Variants in WFDC9 observed in about 807,000 individuals in gnomAD.
The protein encoded by WFDC9 is protein WFDC9.
In WFDC9, 9 loss-of-function variants were observed where a neutral mutation model predicts 9.5. The observed-to-expected ratio is 0.95, with a 90% CI of 0.57 to 1.65. WFDC9 has a LOEUF of 1.65. WFDC9 is among the 40% of genes most tolerant of loss of function. WFDC9 has a pLI of 0.00. For missense variants in WFDC9, 87 were observed against 106.7 expected, an observed-to-expected ratio of 0.82 and a Z score of 0.81; for synonymous variants, 33 against 32.3, an observed-to-expected ratio of 1.02 and a Z score of -0.07.
intron 1 of WFDC9, among the ~76,000 whole-genome samples, chr20:45,626,819 A>G (rs1319047714): frequency 2.0e-5 from 3 of 152,306 alleles, no homozygotes; most frequent in African/African-American, 7.2e-5. Context: ...ACTACGTTGA[A>G]TAAGAGTGGG....
At chr20:45,624,313 G>T (rs527645313) in intron 1 of WFDC9, among the ~76,000 whole-genome samples, 1 of 152,318 alleles carries the variant, frequency 6.6e-6, no homozygotes, top group African/African-American at 2.4e-5. Flanking sequence ...GTGAGACTAT[G>T]TGTTGTTTAA....
intron 2 of WFDC9, among the ~76,000 whole-genome samples, chr20:45,614,120 TTTTC>T (rs750008151): frequency 5.3e-5 from 8 of 152,252 alleles, no homozygotes; most frequent in Non-Finnish European, 8.8e-5. Context: ...CTTACTCTAG[TTTTC>T]TTTCTTTCTT....
At position 45,624,467 on chromosome 20, in the gene WFDC9, T is replaced by C. The variant is rs771269119; in HGVS notation, c.-153+6736A>G. ...CATAGTTTCTTTCTCCATTCCTCGG[T>C]TGTTAGACACCTAGGTTGAGTCTGT... On this transcript the variant is annotated intron_variant, in intron 1 of 4. Transcript: ENST00000326000. Among the ~76,000 whole-genome samples the C allele has an allele frequency of 1.4e-4, 21 of 151,236 alleles. No homozygotes were observed. In the South Asian group the frequency reaches 3.6e-3, roughly 26 times the overall value.
intron 1 of WFDC9, among the ~76,000 whole-genome samples, chr20:45,628,448 A>T (rs189014367): frequency 6.6e-6 from 1 of 152,330 alleles, no homozygotes; most frequent in East Asian, 1.9e-4. Flanking sequence ...TGGCTGCAAG[A>T]TGCTTGGGTA....
intron 4 of WFDC9, 145 bp downstream of exon 4, chr20:45,608,518 G>A (rs1357932243): frequency 2.0e-6 from 2 of 992,340 alleles, no homozygotes; most frequent in East Asian, 2.5e-5. Flanking sequence ...GTGAGGAGCA[G>A]CCTAGGTTTG....
intron 1 of WFDC9, among the ~76,000 whole-genome samples, chr20:45,617,372 T>G (rs909277117): frequency 3.9e-5 from 6 of 152,136 alleles, no homozygotes; most frequent in African/African-American, 1.4e-4. Flanking sequence ...GGAGAATCAC[T>G]TGGACCCAGG....
Position 45,607,965 on chromosome 20 carries a change from C to G in WFDC9, c.*145G>C, listed in dbSNP as rs1981765979. On this transcript the variant is annotated 3_prime_UTR_variant, in exon 5 of 5. Transcript: ENST00000326000. The stretch of plus-strand genomic sequence containing the variant: ...CAGGTTGATGTAGCAGTTTATTTGA[C>G]AAAAGCTTCAGGGTAAAGAGGTCAA... 1.1e-6 allele frequency: 1 copy of G among 919,444 alleles called. No individual in the cohort carries two copies. The highest frequency in any genetic ancestry group is 1.5e-5 in the South Asian group (1 of 68,634). The allele number at this position is 919,444 out of a possible 1,614,324, so 57.0% of individuals were successfully genotyped here.
At chr20:45,613,287 T>G (rs1981901014) in intron 2 of WFDC9, among the ~76,000 whole-genome samples, 1 of 152,188 alleles carries the variant, frequency 6.6e-6, no homozygotes, top group Non-Finnish European at 1.5e-5. Context: ...CGCGGAGCCT[T>G]TCCATCATCA....
Position 45,608,755 on chromosome 20 carries a change from G to A in WFDC9, c.147C>T (p.Tyr49=), listed in dbSNP as rs1453370913. ...EQCWVQPPYK[Y]CEKRCTKIMT... ...TTATTTTAGTACACCTTTTCTCACA[G>A]TACTTATATGGAGGCTGTACCCAGC... The change falls in exon 4 of 5, where the codon TAC becomes TAT. Residue 49 remains tyrosine, a synonymous_variant. Coordinates refer to ENST00000326000, the MANE Select transcript of WFDC9 (RefSeq NM_147198.4). 6.2e-7 allele frequency: 1 copy of A among 1,614,110 alleles called. No homozygotes were observed. The highest frequency in any genetic ancestry group is 8.5e-7 in the Non-Finnish European group (1 of 1,180,000).
chr20:45,621,775 A>T (rs1982106780), intron 1 of WFDC9, among the ~76,000 whole-genome samples: 1 of 152,202 alleles, frequency 6.6e-6, no homozygotes. Flanking sequence ...GTGTGGCTCC[A>T]CTGGTCATTG....
intron 2 of WFDC9, among the ~76,000 whole-genome samples, chr20:45,611,631 A>C (rs1474566746): frequency 6.6e-6 from 1 of 152,212 alleles, no homozygotes; most frequent in Admixed American, 6.5e-5. Context: ...GAATAGTTTC[A>C]ATTTCTTCTC....
At chr20:45,614,985 C>T (rs886071089) in intron 1 of WFDC9, among the ~76,000 whole-genome samples, 1 of 152,162 alleles carries the variant, frequency 6.6e-6, no homozygotes, top group Non-Finnish European at 1.5e-5. Flanking sequence ...CAAAGTCTCT[C>T]AAATACATCT....
intron 3 of WFDC9, among the ~76,000 whole-genome samples, chr20:45,609,426 C>A (rs1456990994): frequency 6.6e-6 from 1 of 152,052 alleles, no homozygotes; most frequent in African/African-American, 2.4e-5. Flanking sequence ...CAGTCTCGAA[C>A]CCCTGACCTC....
intron 1 of WFDC9, among the ~76,000 whole-genome samples, chr20:45,621,074 TCAGA>T (rs1364746790): frequency 6.6e-6 from 1 of 152,188 alleles, no homozygotes; most frequent in Non-Finnish European, 1.5e-5. Flanking sequence ...ATTTCTCTCT[TCAGA>T]CATCTATTGG....
At chr20:45,625,958 A>G (rs1216083736) in intron 1 of WFDC9, among the ~76,000 whole-genome samples, 1 of 151,682 alleles carries the variant, frequency 6.6e-6, no homozygotes, top group Admixed American at 6.6e-5. Flanking sequence ...AGTAGCTGGG[A>G]CTACAGGTAT....
intron 1 of WFDC9, among the ~76,000 whole-genome samples, chr20:45,618,039 A>G (rs1040596604): frequency 3.3e-5 from 5 of 152,220 alleles, no homozygotes; most frequent in African/African-American, 4.8e-5. Flanking sequence ...TAAAGGGCCA[A>G]CAGTATCTTA....
At position 45,620,271 on chromosome 20, in the gene WFDC9, C is replaced by T. The variant is rs528823274; in HGVS notation, c.-152-5550G>A. Among the ~76,000 whole-genome samples, 7 of 152,244 alleles carry T rather than the reference C, an allele frequency of 4.6e-5. No homozygotes were observed. In the South Asian group the frequency reaches 1.5e-3, roughly 32 times the overall value. On this transcript the variant is annotated intron_variant, in intron 1 of 4. Coordinates refer to ENST00000326000, the MANE Select transcript of WFDC9 (RefSeq NM_147198.4). ...AGTCATTTGGAATTTTTTAGGCTTT[C>T]TTTGTAATCTAAGTCATTGTAACTA...
At chr20:45,629,957 G>A (rs1982316921) in intron 1 of WFDC9, 3 of 1,597,996 alleles carry the variant, frequency 1.9e-6, no homozygotes, top group Admixed American at 3.4e-5. Context: ...GGGGAATGGA[G>A]GGCCTGTGTC....
At position 45,608,705 on chromosome 20, in the gene WFDC9, G is replaced by A; in HGVS notation, c.197C>T (p.Thr66Ile). The part of the protein sequence containing the change: ...KIMTCVRPNH[T>I]CCWTYCGNIC... ...GTTTCCACAGTAGGTCCAGCAGCAT[G>A]TATGATTTGGACGTACACAAGTCAT... is the stretch of plus-strand genomic sequence containing the variant. Residue 66 changes from threonine (T) to isoleucine (I), a missense_variant, in exon 4 of 5, where the codon ACA becomes ATA. Thr to Ile is a moderately conservative substitution (Grantham distance 89). Transcript: ENST00000326000. The A allele has an allele frequency of 6.2e-7, 1 of 1,613,980 alleles. No homozygotes were observed. Among genetic ancestry groups the A allele is most frequent in the African/African-American group, 1.3e-5 (1 of 75,030 alleles).
Sources: gnomAD v4.1 joint callset for allele counts (sites outside exome capture counted in the v4.1 genomes callset) on GRCh38, gnomAD v4.1.1 for gene constraint, MANE v1.5 for transcripts, NCBI Gene and HGNC (gene_info 2026-07-23, HGNC 2026-07-21) for gene names.